Variants in MAN1A1 observed in about 807,000 individuals in gnomAD.
MAN1A1 encodes mannosidase alpha class 1A member 1, also known as mannosyl-oligosaccharide 1,2-alpha-mannosidase IA.
MAN1A1 carries 29 observed loss-of-function variants against 70.8 expected under a neutral mutation model. The observed-to-expected ratio is 0.41, with a 90% CI of 0.31 to 0.56. The LOEUF is 0.56. MAN1A1 is among the 20% of genes least tolerant of loss of function. MAN1A1 has a pLI of 0.29. For missense variants in MAN1A1, 747 were observed against 841.3 expected (o/e 0.89, Z 1.39); for synonymous variants, 349 against 330.1 (o/e 1.06, Z -0.62).
chr6:119,189,955 T>TA (rs142938329), intron 9 of MAN1A1, 72 bp from the exon 10 acceptor site: 14,781 of 917,492 alleles, frequency 0.016, 3 homozygotes, highest in Non-Finnish European at 0.018. Context: ...TGCCCAACAT[T>TA]AAAAAAAAAA....
intron 5 of MAN1A1, among the ~76,000 whole-genome samples, chr6:119,279,664 A>C (rs914217258): frequency 7.2e-5 from 11 of 152,176 alleles, no homozygotes; most frequent in Admixed American, 7.2e-4. Context: ...GAGAATAACT[A>C]TCTCATTTAT....
chr6:119,220,931 A>G (rs1483517476), intron 6 of MAN1A1, among the ~76,000 whole-genome samples: 1 of 152,172 alleles, frequency 6.6e-6, no homozygotes, highest in Non-Finnish European at 1.5e-5. Context: ...AAACTGACTC[A>G]TAATATACTT....
chr6:119,228,840 G>A (rs764307975), intron 6 of MAN1A1, among the ~76,000 whole-genome samples: 4 of 151,922 alleles, frequency 2.6e-5, no homozygotes, highest in Admixed American at 6.6e-5. Flanking sequence ...CTTATATAGC[G>A]GCCCATTGCA....
At chr6:119,255,427 TAGTTG>T in intron 5 of MAN1A1, among the ~76,000 whole-genome samples, 1 of 152,358 alleles carries the variant, frequency 6.6e-6, no homozygotes, top group East Asian at 1.9e-4. Context: ...CATATACTGT[TAGTTG>T]AGTTGATAAA....
At chr6:119,200,470 A>T (rs182170997) in intron 8 of MAN1A1, among the ~76,000 whole-genome samples, 7 of 152,348 alleles carry the variant, frequency 4.6e-5, no homozygotes, top group Admixed American at 3.3e-4. Context: ...ATAATGAGGT[A>T]TCTAAGAACA....
chr6:119,338,798 G>A (rs1327051149), intron 2 of MAN1A1, among the ~76,000 whole-genome samples: 1 of 152,174 alleles, frequency 6.6e-6, no homozygotes, highest in East Asian at 1.9e-4. Context: ...CCAAGTGCCT[G>A]GTAAGAGCTC....
intron 2 of MAN1A1, among the ~76,000 whole-genome samples, chr6:119,338,898 G>A (rs980816062): frequency 4.6e-5 from 7 of 151,950 alleles, no homozygotes; most frequent in Non-Finnish European, 8.8e-5. Context: ...CCTAACTCTC[G>A]CCTTCAGGAC....
chr6:119,332,420 CCT>C (rs1562246088), intron 2 of MAN1A1, among the ~76,000 whole-genome samples: 1 of 152,028 alleles, frequency 6.6e-6, no homozygotes, highest in Non-Finnish European at 1.5e-5. Flanking sequence ...TTAACTGTTG[CCT>C]CTGTTTTAAA....
At chr6:119,269,784 C>G (rs1280318294) in intron 5 of MAN1A1, 1 of 152,112 alleles carries the variant, frequency 6.6e-6, no homozygotes, top group African/African-American at 2.4e-5. Flanking sequence ...TGAAGGTGAC[C>G]AATTATTTTT....
intron 6 of MAN1A1, among the ~76,000 whole-genome samples, chr6:119,226,371 T>C (rs1171435003): frequency 1.3e-5 from 2 of 152,152 alleles, no homozygotes; most frequent in Non-Finnish European, 2.9e-5. Context: ...CTGGCTTGTG[T>C]TACAGCCGAG....
chr6:119,247,942 A>G (rs2114322731), intron 6 of MAN1A1, among the ~76,000 whole-genome samples: 1 of 152,340 alleles, frequency 6.6e-6, no homozygotes, highest in Middle Eastern at 3.4e-3. Flanking sequence ...ATGACAATTA[A>G]AAGATAACGG....
At chr6:119,349,969 C>G (rs922078873), upstream of MAN1A1, among the ~76,000 whole-genome samples, 3 of 151,978 alleles carry the variant, frequency 2.0e-5, no homozygotes, top group Non-Finnish European at 2.9e-5. Flanking sequence ...GGCCGGGAGG[C>G]GCGAGGTAGG....
At chr6:119,254,098 TAA>T (rs895021790) in intron 5 of MAN1A1, among the ~76,000 whole-genome samples, 1 of 152,214 alleles carries the variant, frequency 6.6e-6, no homozygotes, top group African/African-American at 2.4e-5. Context: ...AACTAGCTTG[TAA>T]AATTAAAATT....
chr6:119,350,576 G>T, upstream of MAN1A1: 7 of 984,504 alleles, frequency 7.1e-6, no homozygotes, highest in Non-Finnish European at 8.4e-6. Context: ...TTTATGCTGC[G>T]GTAGCTTCAA....
In MAN1A1 at chr6:119,248,250, A is replaced by T; in HGVS notation, c.992+10T>A. Reference sequence around the variant, plus strand: ...CCTTAAAACATGTTGTTGAAAATGAAGAGTTTTACCTTTTCATATTCAGCA... The same window carrying T: ...CCTTAAAACATGTTGTTGAAAATGATGAGTTTTACCTTTTCATATTCAGCA... On this transcript the variant is annotated intron_variant, in intron 6 of 12. Coordinates refer to ENST00000368468, the MANE Select transcript of MAN1A1 (RefSeq NM_005907.4). 1 of 1,565,040 alleles carries T rather than the reference A, an allele frequency of 6.4e-7. No individual in the cohort carries two copies.
chr6:119,339,292 T>G (rs765874843), intron 2 of MAN1A1, among the ~76,000 whole-genome samples: 57 of 152,278 alleles, frequency 3.7e-4, no homozygotes, highest in Non-Finnish European at 6.5e-4. Context: ...CTTACCAGGG[T>G]GTGTGCAATA....
chr6:119,235,529 AGGTT>A (rs888681176), intron 6 of MAN1A1, among the ~76,000 whole-genome samples: 1 of 152,170 alleles, frequency 6.6e-6, no homozygotes, highest in African/African-American at 2.4e-5. Context: ...AAGCTAGCAG[AGGTT>A]GGTTCATGAA....
rs143074325 is a variant in MAN1A1, at chr6:119,320,098, C to T, written c.604-13106G>A. Among the ~76,000 whole-genome samples the T allele has an allele frequency of 6.2e-3, 945 of 152,224 alleles. 11 individuals are homozygous for T. Among genetic ancestry groups the T allele is most frequent in the Non-Finnish European group, 8.1e-3 (549 of 68,008 alleles). ...AAGTGATTCTTCTGCTTCAGCCTCC[C>T]AAGTGGCTGGGACTACAGGCGCTCA... is the stretch of plus-strand genomic sequence containing the variant. On this transcript the variant is annotated intron_variant, in intron 2 of 12. Coordinates refer to ENST00000368468, the MANE Select transcript of MAN1A1 (RefSeq NM_005907.4).
At chr6:119,276,144 C>A (rs917684185) in intron 5 of MAN1A1, among the ~76,000 whole-genome samples, 2 of 152,184 alleles carry the variant, frequency 1.3e-5, no homozygotes, top group African/African-American at 4.8e-5. Context: ...TCCTCCAAAT[C>A]TTCCATGGTT....
Sources: gnomAD v4.1 joint callset for allele counts (sites outside exome capture counted in the v4.1 genomes callset) on GRCh38, gnomAD v4.1.1 for gene constraint, MANE v1.5 for transcripts, NCBI Gene and HGNC (gene_info 2026-07-23, HGNC 2026-07-21) for gene names.